The following HPCA variants were observed in gnomAD, a reference collection of about 807,000 sequenced individuals.
HPCA encodes the protein hippocalcin.
In HPCA, 4 loss-of-function variants were observed where a neutral mutation model predicts 18.2. The observed-to-expected ratio is 0.22, with a 90% CI of 0.11 to 0.50. The LOEUF (loss-of-function observed/expected upper bound fraction) is 0.50. Among genes scored for constraint, HPCA ranks in the 20% least tolerant of loss-of-function variants. The pLI is 0.97. For missense variants in HPCA, 161 were observed against 265.8 expected (o/e 0.61, Z 2.74); for synonymous variants, 93 against 103.5 (o/e 0.90, Z 0.61).
At position 32,894,125 on chromosome 1, in the gene HPCA, C is replaced by A. The variant is rs983497619; in HGVS notation, c.*263C>A. ...CCCCTCAGTCAGGCCCCCTTACCCA[C>A]CCACCAGCCCCAAGGCCCGACCCCT... On this transcript the variant is annotated 3_prime_UTR_variant, in exon 4 of 4. Transcript: ENST00000373467. 13 of 472,208 alleles carry A rather than the reference C, an allele frequency of 2.8e-5. No individual in the cohort carries two copies. Among genetic ancestry groups the A allele is most frequent in the African/African-American group, 2.5e-4 (13 of 51,268 alleles). 29.3% of individuals were successfully genotyped at this position (472,208 alleles called of 1,614,324 possible).
At chr1:32,892,414 G>C (rs1323345038) in intron 2 of HPCA, among the ~76,000 whole-genome samples, 2 of 152,172 alleles carry the variant, frequency 1.3e-5, no homozygotes, top group East Asian at 3.8e-4. Context: ...CCAGGCTCTG[G>C]GCCCATATGC....
intron 2 of HPCA, among the ~76,000 whole-genome samples, chr1:32,892,541 G>A (rs1335736202): frequency 6.6e-6 from 1 of 152,176 alleles, no homozygotes; most frequent in Non-Finnish European, 1.5e-5. Context: ...CCTAAGAGGA[G>A]GCCTGTGTGT....
At chr1:32,887,714 T>A (rs1641393598) in intron 1 of HPCA, among the ~76,000 whole-genome samples, 1 of 151,998 alleles carries the variant, frequency 6.6e-6, no homozygotes, top group Non-Finnish European at 1.5e-5. Flanking sequence ...ATGGCAAGGG[T>A]GCCTGAAGGT....
At chr1:32,892,778 A>T (rs1570022475) in intron 2 of HPCA, among the ~76,000 whole-genome samples, 3 of 152,272 alleles carry the variant, frequency 2.0e-5, no homozygotes. Context: ...TTGAGGAGAC[A>T]GGTTCGGTCC....
intron 2 of HPCA, among the ~76,000 whole-genome samples, chr1:32,892,548 G>A (rs1364991188): frequency 6.6e-6 from 1 of 152,174 alleles, no homozygotes. Context: ...GGAGGCCTGT[G>A]TGTGACGGGA....
Position 32,891,981 on chromosome 1 carries a change from G to A in HPCA, c.379-1543G>A, listed in dbSNP as rs145534638. ...CTCAGTTTCTTATCTGGAAAATGGG[G>A]ATCATGATACCTGTTTTTCAGGGCT... On this transcript the variant is annotated intron_variant, in intron 2 of 3. Coordinates refer to ENST00000373467, the MANE Select transcript of HPCA (RefSeq NM_002143.3). Among the ~76,000 whole-genome samples the A allele has an allele frequency of 2.1e-3, 320 of 152,312 alleles. 3 individuals carry two copies. Among genetic ancestry groups the A allele is most frequent in the African/African-American group, 7.1e-3 (294 of 41,562 alleles).
intron 1 of HPCA, among the ~76,000 whole-genome samples, chr1:32,887,217 G>A (rs1311718162): frequency 3.9e-5 from 6 of 152,126 alleles, no homozygotes; most frequent in Non-Finnish European, 7.3e-5. Context: ...ATGGCCACAC[G>A]GGCTCATTCC....
At position 32,886,619 on chromosome 1, in the gene HPCA, C is replaced by G. The variant is rs1641373192; in HGVS notation, c.-22+104C>G. ...TCCCAACACCGCCGCTCCCGGGCTT[C>G]CCGGGAATCCTTGCCCCGGGTGGCG... On this transcript the variant is annotated intron_variant, in intron 1 of 3. Coordinates refer to ENST00000373467, the MANE Select transcript of HPCA (RefSeq NM_002143.3). The surrounding 1 kb of genome is among the most constrained non-coding windows in gnomAD (Gnocchi z 7.0). 1 of 152,250 alleles carries G rather than the reference C, an allele frequency of 6.6e-6. No homozygotes were observed. The highest frequency in any genetic ancestry group is 2.4e-5 in the African/African-American group (1 of 41,446). The allele number at this position is 152,250 out of a possible 1,614,324, so 9.4% of individuals were successfully genotyped here. A position where few individuals can be genotyped will look rare whatever the true frequency, so the allele number is the denominator to read the frequency against.
Position 32,893,893 on chromosome 1 carries a change from T to C in HPCA, c.*31T>C. 7.0e-7 allele frequency: 1 copy of C among 1,437,152 alleles called. No homozygotes were observed. 89.0% of individuals were successfully genotyped at this position (1,437,152 alleles called of 1,614,324 possible). On this transcript the variant is annotated 3_prime_UTR_variant, in exon 4 of 4. Coordinates refer to ENST00000373467, the MANE Select transcript of HPCA (RefSeq NM_002143.3). The surrounding 1 kb of genome is among the most constrained non-coding windows in gnomAD (Gnocchi z 7.5). ...GCCAGGTTCCCCTTCCTCCCTCCCT[T>C]CACCGGCCCCCTCCCGGCTCTTAGC...
rs773386468 is a variant in HPCA, at chr1:32,894,419, C to T, written c.*557C>T. ...TTTTAGCACTTGGATACACACAGAC[C>T]CACGGAGCTCTCTGTGTTTGGCCTC... On this transcript the variant is annotated 3_prime_UTR_variant, in exon 4 of 4. Coordinates refer to ENST00000373467, the MANE Select transcript of HPCA (RefSeq NM_002143.3). The T allele has an allele frequency of 1.9e-5, 4 of 211,882 alleles. No individual in the cohort carries two copies. The highest frequency in any genetic ancestry group is 3.8e-5 in the Non-Finnish European group (4 of 104,608). The allele number at this position is 211,882 out of a possible 1,614,324, so 13.1% of individuals were successfully genotyped here.
chr1:32,892,240 T>C (rs757145842), intron 2 of HPCA, among the ~76,000 whole-genome samples: 1 of 152,148 alleles, frequency 6.6e-6, no homozygotes, highest in Non-Finnish European at 1.5e-5. Flanking sequence ...GGTTTGAACT[T>C]GGTACAGAGG....
Position 32,894,525 on chromosome 1 carries a change from C to T in HPCA, c.*663C>T, listed in dbSNP as rs1641535259. 5 of 434,570 alleles carry T rather than the reference C, an allele frequency of 1.2e-5. No homozygotes were observed. The highest frequency in any genetic ancestry group is 3.3e-5 in the Admixed American group (1 of 30,076). The allele number at this position is 434,570 out of a possible 1,614,324, so 26.9% of individuals were successfully genotyped here. On this transcript the variant is annotated 3_prime_UTR_variant, in exon 4 of 4. Transcript: ENST00000373467. Reference sequence around the variant, plus strand: ...CAGTGTCCTGCGTGGGAAAGAGACACGGTCCCCCTGGCTGAGCCCCTGTCC... The same window carrying T: ...CAGTGTCCTGCGTGGGAAAGAGACATGGTCCCCCTGGCTGAGCCCCTGTCC...
chr1:32,888,570 G>A (rs576091016), intron 1 of HPCA, among the ~76,000 whole-genome samples: 5 of 152,312 alleles, frequency 3.3e-5, no homozygotes, highest in East Asian at 3.9e-4. Flanking sequence ...AACCTGTTGC[G>A]AAAGTGAATT....
Position 32,894,116 on chromosome 1 carries a change from C to T in HPCA, c.*254C>T, listed in dbSNP as rs1641524583. On this transcript the variant is annotated 3_prime_UTR_variant, in exon 4 of 4. Transcript: ENST00000373467. ...GTTGGTCTGCCCCTCAGTCAGGCCC[C>T]CTTACCCACCCACCAGCCCCAAGGC... 1 of 491,438 alleles carries T rather than the reference C, an allele frequency of 2.0e-6. No individual in the cohort carries two copies. Among genetic ancestry groups the T allele is most frequent in the Non-Finnish European group, 3.6e-6 (1 of 275,052 alleles). 30.4% of individuals were successfully genotyped at this position (491,438 alleles called of 1,614,324 possible). A position where few individuals can be genotyped will look rare whatever the true frequency, so the allele number is the denominator to read the frequency against.
In HPCA at chr1:32,893,999, C is replaced by T; in HGVS notation, c.*137C>T. The stretch of plus-strand genomic sequence containing the variant: ...CCGGGTCTGCCCTGTGGGGGGCTTC[C>T]GGAAAAGGGAACCCTGCGGTACCCC... On this transcript the variant is annotated 3_prime_UTR_variant, in exon 4 of 4. Transcript: ENST00000373467. This position sits in a 1 kb window ranked among gnomAD's most constrained non-coding sequence, Gnocchi z 7.5. The T allele has an allele frequency of 1.5e-6, 1 of 667,530 alleles. No individual in the cohort carries two copies. Among genetic ancestry groups the T allele is most frequent in the Non-Finnish European group, 2.5e-6 (1 of 395,212 alleles). The allele number at this position is 667,530 out of a possible 1,614,324, so 41.4% of individuals were successfully genotyped here.
Position 32,893,658 on chromosome 1 carries a change from C to T in HPCA, c.484+29C>T. ...AGGGGCAGGGGCGGGACGGGGTGGA[C>T]GGGGCGGGCGCCTTTCCCTCCCTCC... On this transcript the variant is annotated intron_variant, in intron 3 of 3. Transcript: ENST00000373467. This position sits in a 1 kb window ranked among gnomAD's most constrained non-coding sequence, Gnocchi z 7.5. The T allele has an allele frequency of 4.7e-6, 5 of 1,056,360 alleles. No individual in the cohort carries two copies. The highest frequency in any genetic ancestry group is 7.4e-6 in the Non-Finnish European group (5 of 672,242). 65.4% of individuals were successfully genotyped at this position (1,056,360 alleles called of 1,614,324 possible).
intron 1 of HPCA, among the ~76,000 whole-genome samples, chr1:32,888,493 C>G (rs1474790400): frequency 6.6e-6 from 1 of 152,164 alleles, no homozygotes; most frequent in African/African-American, 2.4e-5. Flanking sequence ...GGCTGTGTGA[C>G]CTGAAGCAGC....
chr1:32,894,359 C>A lies in HPCA; in HGVS notation c.*497C>A, dbSNP rs1038852356. The stretch of plus-strand genomic sequence containing the variant: ...CAAGTGAAACCTTCCAGGATACTAG[C>A]CCGCCAGCTGTGGGCCCCAGAAAGC... On this transcript the variant is annotated 3_prime_UTR_variant, in exon 4 of 4. Transcript: ENST00000373467. 8 of 190,788 alleles carry A rather than the reference C, an allele frequency of 4.2e-5. No homozygotes were observed. The highest frequency in any genetic ancestry group is 7.6e-5 in the Non-Finnish European group (7 of 91,568). The allele number at this position is 190,788 out of a possible 1,614,324, so 11.8% of individuals were successfully genotyped here.
At chr1:32,891,588 C>T (rs150619339) in intron 2 of HPCA, among the ~76,000 whole-genome samples, 1 of 152,306 alleles carries the variant, frequency 6.6e-6, no homozygotes, top group Non-Finnish European at 1.5e-5. Context: ...CTGCTGTTTA[C>T]TGACCACCCA....
Sources: allele counts gnomAD v4.1 joint callset (sites outside exome capture counted in the v4.1 genomes callset), GRCh38; gene constraint gnomAD v4.1.1; non-coding constraint Gnocchi (gnomAD v3.1); transcripts MANE v1.5; gene names NCBI Gene and HGNC (gene_info 2026-07-23, HGNC 2026-07-21).